Variants in HR observed in about 807,000 individuals in gnomAD.
HR encodes the protein lysine-specific demethylase hairless.
A neutral mutation model predicts 128.6 loss-of-function variants in HR; 83 were observed. The ratio of observed to expected loss-of-function variants is 0.65; its 90% CI spans 0.54 to 0.77. The LOEUF (loss-of-function observed/expected upper bound fraction) is 0.77, where lower values mean the gene tolerates loss of function less well. HR is among the 30% of genes least tolerant of loss of function. HR has a pLI of 0.00. For synonymous variants in HR, 681 were observed against 658.2 expected, an observed-to-expected ratio of 1.03 and a Z score of -0.53; for missense variants, 1,490 against 1,574.6, an observed-to-expected ratio of 0.95 and a Z score of 0.91.
intron 5 of HR, among the ~76,000 whole-genome samples, chr8:22,124,091 C>T (rs922092126): frequency 3.3e-5 from 5 of 152,070 alleles, no homozygotes; most frequent in African/African-American, 1.2e-4. Flanking sequence ...CCCAGCTCTG[C>T]CCCCAGGGAC....
intron 5 of HR, among the ~76,000 whole-genome samples, chr8:22,124,181 G>A (rs770948814): frequency 1.3e-5 from 2 of 152,158 alleles, no homozygotes; most frequent in Non-Finnish European, 2.9e-5. Context: ...CAAGCCCTAG[G>A]TGCTACCAGA....
intron 1 of HR, among the ~76,000 whole-genome samples, 199 bp from the exon 2 acceptor site, chr8:22,129,409 C>A (rs1826992556): frequency 6.6e-6 from 1 of 152,236 alleles, no homozygotes; most frequent in African/African-American, 2.4e-5. Flanking sequence ...GGGATGTTAC[C>A]CCTTCCCCAA....
chr8:22,127,973 T>C (rs1826945003), intron 2 of HR, 144 bp from the exon 3 acceptor site: 3 of 849,072 alleles, frequency 3.5e-6, no homozygotes, highest in Middle Eastern at 3.1e-4. Flanking sequence ...CCTAGGTCTC[T>C]GGAGTGCCTC....
chr8:22,127,958 A>C (rs1174538870), intron 2 of HR, 129 bp from the exon 3 acceptor site: 2 of 948,344 alleles, frequency 2.1e-6, no homozygotes, highest in African/African-American at 1.6e-5. Context: ...AATAAACAGC[A>C]CTGCCCTAGG....
At position 22,128,394 on chromosome 8, in the gene HR, G is replaced by A; in HGVS notation, c.612+165C>T. The A allele has an allele frequency of 3.2e-6, 3 of 941,498 alleles. No homozygotes were observed. In the South Asian group the frequency reaches 4.3e-5, roughly 14 times the overall value. 58.3% of individuals were successfully genotyped at this position (941,498 alleles called of 1,614,324 possible). ...AGAGAGATGGAGCTGCTCAGGGTAGGGCTTGCTTGGGGTTGACTGTGGGGC... is the reference window on the plus strand; with the variant it reads ...AGAGAGATGGAGCTGCTCAGGGTAGAGCTTGCTTGGGGTTGACTGTGGGGC... On this transcript the variant is annotated intron_variant, in intron 2 of 18. Coordinates refer to ENST00000381418, the MANE Select transcript of HR (RefSeq NM_005144.5).
chr8:22,118,133 GGC>G (rs1417066968), intron 16 of HR: 3 of 152,440 alleles, frequency 2.0e-5, no homozygotes, highest in Non-Finnish European at 4.4e-5. Flanking sequence ...TGTACCTGTG[GGC>G]AGGAGGGGTG....
In HR at chr8:22,121,070, G is replaced by T; in HGVS notation, c.2362C>A (p.Pro788Thr). The change falls in exon 10 of 19, where the codon CCC becomes ACC. Residue 788 changes from proline to threonine, a missense_variant. By Grantham distance (38) the Pro-to-Thr change is conservative (BLOSUM62 -1). Transcript: ENST00000381418. ...CCCTCCGTGCCCTCACTCACACTGGGCAGGGCCGGAGTGACGGGGGCGAAG... is the reference window on the plus strand; with the variant it reads ...CCCTCCGTGCCCTCACTCACACTGGTCAGGGCCGGAGTGACGGGGGCGAAG... Reference protein sequence around the residue: ...MAFAPVTPALPSDDRITNILD... With the variant: ...MAFAPVTPALTSDDRITNILD... 1.9e-6 allele frequency: 3 copies of T among 1,613,614 alleles called. No individual in the cohort carries two copies. Among genetic ancestry groups the T allele is most frequent in the Non-Finnish European group, 2.5e-6 (3 of 1,180,016 alleles).
rs2131769458 is a variant in HR at position 22,128,959 on chromosome 8, T to A, written c.212A>T (p.Asp71Val). 1 of 1,613,386 alleles carries A rather than the reference T, an allele frequency of 6.2e-7. No homozygotes were observed. Among genetic ancestry groups the A allele is most frequent in the Non-Finnish European group, 8.5e-7 (1 of 1,179,990 alleles). The change falls in exon 2 of 19, where the codon GAC becomes GTC. Residue 71 changes from aspartate to valine, a missense_variant. Transcript: ENST00000381418. ...LPPGFPQGPK[D>V]MLPLVEGEGP... ...CTCGCCCTCCACAAGTGGGAGCATG[T>A]CCTTGGGGCCCTGGGGGAAGCCAGG...
intron 9 of HR, 37 bp downstream of exon 9, chr8:22,121,576 C>G: frequency 6.2e-7 from 1 of 1,610,450 alleles, no homozygotes; most frequent in South Asian, 1.1e-5. Flanking sequence ...CCCAGCCTCC[C>G]TCTTGCACAG....
intron 14 of HR, among the ~76,000 whole-genome samples, chr8:22,119,505 G>A (rs1247681384): frequency 6.6e-6 from 1 of 152,164 alleles, no homozygotes; most frequent in Non-Finnish European, 1.5e-5. Flanking sequence ...TACTCGGGAG[G>A]CTGAGGCAGG....
rs1277796767 is a variant in HR, at chr8:22,114,484, G to A, written c.*1216C>T. 1.3e-5 allele frequency: 2 copies of A among 152,652 alleles called. No homozygotes were observed. The highest frequency in any genetic ancestry group is 4.8e-5 in the African/African-American group (2 of 41,452). The allele number at this position is 152,652 out of a possible 1,614,324, so 9.5% of individuals were successfully genotyped here. ...CCCCAAACCACAGCAGGAACAATTA[G>A]GTATGACAAGAGTGGGAGTGTTTTT... On this transcript the variant is annotated 3_prime_UTR_variant, in exon 19 of 19. Transcript: ENST00000381418.
chr8:22,126,300 C>T lies in HR; in HGVS notation c.1406-568G>A, dbSNP rs59369449. 7.4e-3 allele frequency among the ~76,000 whole-genome samples: 1,133 copies of T among 152,314 alleles called. 10 individuals are homozygous for T. The highest frequency in any genetic ancestry group is 0.026 in the African/African-American group (1,095 of 41,550). ...CAAGGCCACGGAGAGAGCTGATCCA[C>T]ACCCAGCCGTCCAGGAAGCTGAAAA... On this transcript the variant is annotated intron_variant, in intron 3 of 18. Transcript: ENST00000381418.
At position 22,116,762 on chromosome 8, in the gene HR, C is replaced by T; in HGVS notation, c.3378+113G>A. ...CTCTTCCCCACAGCAGCGTGCGGCTCCCTGCCCTGCCCGGCTCTTGGGTAT... is the reference window on the plus strand; with the variant it reads ...CTCTTCCCCACAGCAGCGTGCGGCTTCCTGCCCTGCCCGGCTCTTGGGTAT... On this transcript the variant is annotated intron_variant, in intron 17 of 18. Coordinates refer to ENST00000381418, the MANE Select transcript of HR (RefSeq NM_005144.5). The surrounding 1 kb of genome is among the most constrained non-coding windows in gnomAD (Gnocchi z 4.2). 7.1e-7 allele frequency: 1 copy of T among 1,412,760 alleles called. No homozygotes were observed. The highest frequency in any genetic ancestry group is 2.5e-5 in the East Asian group (1 of 40,310). The allele number at this position is 1,412,760 out of a possible 1,614,324, so 87.5% of individuals were successfully genotyped here.
intron 6 of HR, 32 bp downstream of exon 6, chr8:22,123,617 T>TTGGGGGGCCGCCC: frequency 3.4e-6 from 1 of 292,092 alleles, no homozygotes; most frequent in Non-Finnish European, 6.2e-6. Flanking sequence ...GAGGGCTCCA[T>TTGGGGGGCCGCCC]CCCGCCCTCC....
At position 22,127,410 on chromosome 8, in the gene HR, G is replaced by A; in HGVS notation, c.1032C>T (p.Cys344=). 6.2e-7 allele frequency: 1 copy of A among 1,613,238 alleles called. No individual in the cohort carries two copies. Among genetic ancestry groups the A allele is most frequent in the South Asian group, 1.1e-5 (1 of 91,082 alleles). Residue 344 remains cysteine, a synonymous_variant, in exon 3 of 19, where the codon TGC becomes TGT. Transcript: ENST00000381418. Reference sequence around the variant, plus strand: ...TGGCACCCCCCTCCAGGCCCTCCTGGCACTTCCCACAAGGGCCAAGACCCC... The same window carrying A: ...TGGCACCCCCCTCCAGGCCCTCCTGACACTTCCCACAAGGGCCAAGACCCC... ...KGGGLGPCGK[C]QEGLEGGASG...
At chr8:22,124,469 A>G (rs1826835508) in intron 5 of HR, among the ~76,000 whole-genome samples, 2 of 152,228 alleles carry the variant, frequency 1.3e-5, no homozygotes, top group South Asian at 4.1e-4. Context: ...CGCTGAGTAC[A>G]ATTCAACGAA....
Position 22,127,578 on chromosome 8 carries a change from A to G in HR, c.864T>C (p.His288=). The change falls in exon 3 of 19, where the codon CAT becomes CAC. Residue 288 remains histidine (H), a synonymous_variant. Transcript: ENST00000381418. Reference sequence around the variant, plus strand: ...GCCCAGCCCAGACGTTGCCAAGAGTATGAACAAGGCCTGGGGGACAAGCGG... The same window carrying G: ...GCCCAGCCCAGACGTTGCCAAGAGTGTGAACAAGGCCTGGGGGACAAGCGG... The part of the protein sequence containing the change: ...SWPACPPGLV[H]TLGNVWAGPG... The G allele has an allele frequency of 6.2e-7, 1 of 1,612,832 alleles. No individual in the cohort carries two copies.
chr8:22,128,068 G>T, intron 2 of HR: 1 of 606,044 alleles, frequency 1.7e-6, no homozygotes, highest in Non-Finnish European at 3.0e-6. Flanking sequence ...AAGAGTGAAT[G>T]CCTGGCACAG....
chr8:22,124,051 A>G (rs1826825475), intron 5 of HR, among the ~76,000 whole-genome samples: 1 of 152,126 alleles, frequency 6.6e-6, no homozygotes, highest in Non-Finnish European at 1.5e-5. Flanking sequence ...GGGACATTGG[A>G]GGCCTCAGCT....
Sources: allele counts gnomAD v4.1 joint callset (sites outside exome capture counted in the v4.1 genomes callset), GRCh38; gene constraint gnomAD v4.1.1; non-coding constraint Gnocchi (gnomAD v3.1); transcripts MANE v1.5; gene names NCBI Gene and HGNC (gene_info 2026-07-23, HGNC 2026-07-21).